Variants in ZBTB34 observed in about 807,000 individuals in gnomAD.
ZBTB34 encodes zinc finger and BTB domain containing 34.
ZBTB34 carries 1 observed loss-of-function variant against 33.4 expected under a neutral mutation model. The observed-to-expected ratio is 0.03, with a 90% CI of 0.01 to 0.14. ZBTB34 has a LOEUF of 0.14. Ranked by LOEUF, ZBTB34 falls within the 10% of genes least tolerant of loss-of-function variation. The pLI, the probability that ZBTB34 is intolerant of heterozygous loss-of-function variation, is 1.00. For synonymous variants in ZBTB34, 283 were observed against 253.5 expected, an observed-to-expected ratio of 1.12 and a Z score of -1.11; for missense variants, 406 against 657.2, an observed-to-expected ratio of 0.62 and a Z score of 4.18.
chr9:126,868,935 G>A (rs1213838304), intron 1 of ZBTB34, among the ~76,000 whole-genome samples: 1 of 152,188 alleles, frequency 6.6e-6, no homozygotes, highest in East Asian at 1.9e-4. Context: ...GATCAAAGCT[G>A]TGAATATGGA....
rs768877442 is a variant in ZBTB34, at chr9:126,879,853, C to G, written c.454C>G (p.Arg152Gly). ...CGGTGCTGAAGAGAATCCCGAGAGT[C>G]GAAACGGAGTGAAAGACAGCAGCTT... The change falls in exon 2 of 2, where the codon CGA (arginine) becomes GGA (glycine). Residue 152 changes from arginine (R) to glycine (G), a missense_variant. By Grantham distance (125) the Arg-to-Gly change is moderately radical. Around this residue, in one of 6 missense-constraint regions of ZBTB34, gnomAD observed 137 missense variants for 173.0 expected, o/e 0.79. Coordinates refer to ENST00000319119, the Ensembl canonical transcript of ZBTB34. The surrounding 1 kb of genome is among the most constrained non-coding windows in gnomAD (Gnocchi z 6.4). The G allele has an allele frequency of 6.2e-7, 1 of 1,613,034 alleles. No individual in the cohort carries two copies. The highest frequency in any genetic ancestry group is 8.5e-7 in the Non-Finnish European group (1 of 1,179,876).
At chr9:126,866,343 A>T (rs1258891576) in intron 1 of ZBTB34, among the ~76,000 whole-genome samples, 2 of 152,062 alleles carry the variant, frequency 1.3e-5, no homozygotes, top group African/African-American at 4.8e-5. Context: ...TGCCGCCAGA[A>T]TTCTGTTTGA....
chr9:126,885,698 C>G (rs759583016), exon 2 of ZBTB34: 1 of 167,052 alleles, frequency 6.0e-6, no homozygotes, highest in Non-Finnish European at 1.5e-5. Context: ...GAATTTAAGA[C>G]TATTTATTCA....
Position 126,873,865 on chromosome 9 carries a change from C to T in ZBTB34, c.-10-5525C>T, listed in dbSNP as rs181949302. On this transcript the variant is annotated intron_variant, in intron 1 of 1. Coordinates refer to ENST00000319119, the Ensembl canonical transcript of ZBTB34. ...GGTGATTTCACCCGCCTCAGCCTCC[C>T]AAAGTGCTGAGATTACAGGTGTGAG... 1.8e-4 allele frequency among the ~76,000 whole-genome samples: 27 copies of T among 152,200 alleles called. No individual in the cohort carries two copies. The East Asian group carries it at 5.2e-3, about 29-fold the overall frequency.
chr9:126,872,638 T>C (rs2033296276), intron 1 of ZBTB34, among the ~76,000 whole-genome samples: 2 of 152,140 alleles, frequency 1.3e-5, no homozygotes, highest in African/African-American at 4.8e-5. Flanking sequence ...ACACATGGAG[T>C]GTAGAACTTG....
chr9:126,878,299 G>A (rs532870190), intron 1 of ZBTB34, among the ~76,000 whole-genome samples: 17 of 151,986 alleles, frequency 1.1e-4, no homozygotes, highest in South Asian at 4.2e-4. Flanking sequence ...GTGAAATCCC[G>A]TCTCTTCTAA....
At chr9:126,881,086 C>G (rs994475567) in exon 2 of ZBTB34, 1 of 744,960 alleles carries the variant, frequency 1.3e-6, no homozygotes, top group Non-Finnish European at 2.2e-6. Context: ...CCCTGCCCTC[C>G]CTCCCCGAAG....
At chr9:126,867,164 T>C (rs937533077) in intron 1 of ZBTB34, among the ~76,000 whole-genome samples, 1 of 151,452 alleles carries the variant, frequency 6.6e-6, no homozygotes, top group Admixed American at 6.6e-5. Flanking sequence ...AGAAAAATTC[T>C]TAGTGGTTGT....
At chr9:126,860,671 C>G (rs1357694550) in exon 1 of ZBTB34, 1 of 147,274 alleles carries the variant, frequency 6.8e-6, no homozygotes, top group Admixed American at 6.8e-5. Context: ...GCGGCGGGGA[C>G]TGGCCTGGCG....
At position 126,865,666 on chromosome 9, in the gene ZBTB34, G is replaced by A. The variant is rs150734966; in HGVS notation, c.-11+4927G>A. Among the ~76,000 whole-genome samples the A allele has an allele frequency of 7.4e-3, 1,126 of 152,226 alleles. 16 individuals are homozygous for A. Among genetic ancestry groups the A allele is most frequent in the African/African-American group, 0.026 (1,060 of 41,514 alleles). ...ATTTCCTCACAGCTTAACAGAATAC[G>A]TGGTGCAGAATTTTACTTAAAGATA... On this transcript the variant is annotated intron_variant, in intron 1 of 1. Coordinates refer to ENST00000319119, the Ensembl canonical transcript of ZBTB34.
At chr9:126,868,643 G>A (rs917800127) in intron 1 of ZBTB34, among the ~76,000 whole-genome samples, 5 of 152,156 alleles carry the variant, frequency 3.3e-5, no homozygotes, top group Admixed American at 2.0e-4. Context: ...ACTTGGCTTC[G>A]TCACTGCTTG....
intron 1 of ZBTB34, among the ~76,000 whole-genome samples, chr9:126,871,609 C>A (rs1056874673): frequency 6.6e-6 from 1 of 151,674 alleles, no homozygotes; most frequent in Non-Finnish European, 1.5e-5. Context: ...AGATTACAGG[C>A]GGAAAGATTT....
intron 1 of ZBTB34, among the ~76,000 whole-genome samples, chr9:126,872,562 T>C (rs890162483): frequency 1.3e-5 from 2 of 152,172 alleles, no homozygotes; most frequent in African/African-American, 2.4e-5. Flanking sequence ...ATATTTGAAC[T>C]TGAATTGTGC....
At chr9:126,872,392 T>C (rs116415777) in intron 1 of ZBTB34, among the ~76,000 whole-genome samples, 1,972 of 152,322 alleles carry the variant, frequency 0.013, 55 homozygotes, top group East Asian at 0.1. Context: ...CCAGCCTGGG[T>C]GACAGAGTGA....
exon 2 of ZBTB34, chr9:126,882,156 C>T (rs1482145187): frequency 6.0e-6 from 1 of 167,096 alleles, no homozygotes; most frequent in African/African-American, 2.4e-5. Context: ...CCCCCACTCT[C>T]TCAGTGTTTC....
rs1448281559 is a variant in ZBTB34, at chr9:126,879,466, C to T, written c.67C>T (p.Leu23=). 1 of 1,613,936 alleles carries T rather than the reference C, an allele frequency of 6.2e-7. No individual in the cohort carries two copies. Among genetic ancestry groups the T allele is most frequent in the Middle Eastern group, 1.6e-4 (1 of 6,062 alleles). Residue 23 remains leucine, a synonymous_variant, in exon 2 of 2, where the codon CTG becomes TTG. Transcript: ENST00000319119. The surrounding 1 kb of genome is among the most constrained non-coding windows in gnomAD (Gnocchi z 6.4). ...TGTGCCCGAGTACAGCAGCACCGTT[C>T]TGAGCCAGCTAAACGAACTCCGCCT...
chr9:126,863,877 CAATT>C (rs1449916526), intron 1 of ZBTB34, among the ~76,000 whole-genome samples: 1 of 152,334 alleles, frequency 6.6e-6, no homozygotes, highest in East Asian at 1.9e-4. Context: ...CAAATCCTCT[CAATT>C]AATGATTAAA....
chr9:126,867,447 CT>C lies in ZBTB34; in HGVS notation c.-11+6724del, dbSNP rs201325256. ...CTTTGCTTCTTTTTTTGTCATTTTT[CT>C]TTTTTTTTTTTTTTTGAGCTGTTTG... On this transcript the variant is annotated intron_variant, in intron 1 of 1. Coordinates refer to ENST00000319119, the Ensembl canonical transcript of ZBTB34. Among the ~76,000 whole-genome samples, 829 of 119,480 alleles carry C rather than the reference CT, an allele frequency of 6.9e-3. 23 individuals carry two copies. The East Asian group carries it at 0.11, about 15-fold the overall frequency. The allele number at this position is 119,480 out of a possible 152,430, so 78.4% of individuals were successfully genotyped here.
chr9:126,870,486 CA>C (rs1274194034), intron 1 of ZBTB34, among the ~76,000 whole-genome samples: 1 of 152,148 alleles, frequency 6.6e-6, no homozygotes, highest in East Asian at 1.9e-4. Flanking sequence ...CAGCGCATGA[CA>C]AAAGGCTAAT....
Sources: gnomAD v4.1 joint callset for allele counts (sites outside exome capture counted in the v4.1 genomes callset) on GRCh38, gnomAD v4.1.1 for gene constraint, gnomAD v4.1.1 regional missense constraint, Gnocchi (gnomAD v3.1) non-coding constraint, MANE v1.5 for transcripts, NCBI Gene and HGNC (gene_info 2026-07-23, HGNC 2026-07-21) for gene names.